KIF26B: variants seen among roughly 807,000 people sequenced by gnomAD.
KIF26B encodes kinesin-like protein KIF26B.
KIF26B carries 63 observed loss-of-function variants against 151.2 expected under a neutral mutation model. The ratio of observed to expected loss-of-function variants is 0.42; its 90% CI spans 0.34 to 0.51. The LOEUF (loss-of-function observed/expected upper bound fraction) is 0.51. Among genes scored for constraint, KIF26B ranks in the 20% least tolerant of loss-of-function variants. The pLI is 0.07. For synonymous variants in KIF26B, 1,357 were observed against 1,262.1 expected, an observed-to-expected ratio of 1.08 and a Z score of -1.59; for missense variants, 2,813 against 2,913.6, an observed-to-expected ratio of 0.97 and a Z score of 0.79.
chr1:245,501,594 A>C (rs534762891), intron 4 of KIF26B, among the ~76,000 whole-genome samples: 1 of 152,354 alleles, frequency 6.6e-6, no homozygotes, highest in South Asian at 2.1e-4. Flanking sequence ...CATAGAGATT[A>C]GTTTTTATCC....
intron 2 of KIF26B, among the ~76,000 whole-genome samples, chr1:245,359,279 A>T (rs756126488): frequency 6.6e-6 from 1 of 152,036 alleles, no homozygotes; most frequent in Admixed American, 6.6e-5. Flanking sequence ...TCGGCCTCCC[A>T]AAGGGCTAGG....
intron 4 of KIF26B, among the ~76,000 whole-genome samples, chr1:245,494,557 T>A (rs1041511564): frequency 2.3e-4 from 35 of 152,036 alleles, no homozygotes; most frequent in African/African-American, 7.5e-4. Flanking sequence ...ACCTTTCTCA[T>A]AAGTTGTTTC....
chr1:245,299,433 A>C (rs891979008), intron 2 of KIF26B, among the ~76,000 whole-genome samples: 1 of 149,000 alleles, frequency 6.7e-6, no homozygotes, highest in African/African-American at 2.5e-5. Flanking sequence ...CTGACCTTCT[A>C]CTATCAGATG....
At chr1:245,234,385 A>T (rs1444059220) in intron 2 of KIF26B, 1 of 152,216 alleles carries the variant, frequency 6.6e-6, no homozygotes, top group Non-Finnish European at 1.5e-5. Context: ...CACGTCACAC[A>T]CCTGTCAGGG....
intron 5 of KIF26B, among the ~76,000 whole-genome samples, chr1:245,584,749 C>T (rs2043207144): frequency 6.6e-6 from 1 of 152,134 alleles, no homozygotes; most frequent in Admixed American, 6.5e-5. Context: ...AGCTACAGAA[C>T]CAAATAAATA....
At chr1:245,261,501 CT>C (rs1670643262) in intron 2 of KIF26B, among the ~76,000 whole-genome samples, 108 of 109,412 alleles carry the variant, frequency 9.9e-4, no homozygotes, top group African/African-American at 4.1e-3. Flanking sequence ...CTCTCTCTCT[CT>C]CCCTCCCTCC....
intron 4 of KIF26B, among the ~76,000 whole-genome samples, chr1:245,426,212 C>T (rs975757636): frequency 6.6e-6 from 1 of 151,848 alleles, no homozygotes; most frequent in Non-Finnish European, 1.5e-5. Flanking sequence ...TCCCTCCTCC[C>T]TCCCTTCTTT....
chr1:245,301,766 C>T (rs530046734), intron 2 of KIF26B, among the ~76,000 whole-genome samples: 27 of 152,294 alleles, frequency 1.8e-4, no homozygotes, highest in African/African-American at 5.8e-4. Context: ...GTGGGTGAAC[C>T]GCAAAAGCTC....
chr1:245,440,077 C>T (rs1195952397), intron 4 of KIF26B, among the ~76,000 whole-genome samples: 7 of 151,986 alleles, frequency 4.6e-5, no homozygotes, highest in East Asian at 3.9e-4. Context: ...AAAAATTAGC[C>T]GGGCGTGGTG....
At chr1:245,695,146 T>A (rs960913624) in intron 12 of KIF26B, among the ~76,000 whole-genome samples, 11 of 151,968 alleles carry the variant, frequency 7.2e-5, no homozygotes, top group Non-Finnish European at 1.5e-4. Flanking sequence ...GCTTGAGAGG[T>A]GGAAATGCTG....
chr1:245,220,286 C>T (rs1045119981), intron 2 of KIF26B, among the ~76,000 whole-genome samples: 4 of 152,158 alleles, frequency 2.6e-5, no homozygotes, highest in African/African-American at 7.2e-5. Context: ...TGAAGCCTTC[C>T]GTGGATGTTC....
chr1:245,677,201 C>T (rs2044367693), intron 10 of KIF26B, among the ~76,000 whole-genome samples: 2 of 152,202 alleles, frequency 1.3e-5, no homozygotes, highest in Admixed American at 6.5e-5. Context: ...GTCCTTCAGC[C>T]AGAGTGGGTG....
rs544346576 is a variant in KIF26B at position 245,593,829 on chromosome 1, A to G, written c.1351-8748A>G. The stretch of plus-strand genomic sequence containing the variant: ...GCTATTTCTCCACATCCTCTCCAGC[A>G]TCTGTTGTTTCCTCACTTTTTAATG... On this transcript the variant is annotated intron_variant, in intron 5 of 14. Transcript: ENST00000407071. 5.3e-5 allele frequency among the ~76,000 whole-genome samples: 8 copies of G among 152,336 alleles called. 1 individual carries two copies. Among genetic ancestry groups the G allele is most frequent in the Admixed American group, 5.2e-4 (8 of 15,306 alleles).
intron 10 of KIF26B, among the ~76,000 whole-genome samples, chr1:245,683,033 C>T (rs944165623): frequency 6.6e-6 from 1 of 152,210 alleles, no homozygotes; most frequent in Non-Finnish European, 1.5e-5. Flanking sequence ...CCAGCGTCGC[C>T]AAACTTACAC....
intron 10 of KIF26B, 75 bp from the exon 11 acceptor site, chr1:245,684,158 C>G: frequency 1.3e-6 from 2 of 1,509,638 alleles, no homozygotes; most frequent in Non-Finnish European, 1.8e-6. Flanking sequence ...TGGCCGTGTG[C>G]AGGCCTGAAG....
intron 2 of KIF26B, among the ~76,000 whole-genome samples, chr1:245,276,922 T>A (rs556609954): frequency 6.6e-6 from 1 of 152,250 alleles, no homozygotes; most frequent in Admixed American, 6.5e-5. Flanking sequence ...GATCTTGAGA[T>A]GAGATCTTCT....
chr1:245,539,634 T>C (rs1383385159), intron 4 of KIF26B, among the ~76,000 whole-genome samples: 1 of 152,176 alleles, frequency 6.6e-6, no homozygotes, highest in Non-Finnish European at 1.5e-5. Flanking sequence ...TTCTTTTCTG[T>C]GATAAGATGA....
At chr1:245,550,209 T>G (rs563214088) in intron 5 of KIF26B, among the ~76,000 whole-genome samples, 5 of 152,362 alleles carry the variant, frequency 3.3e-5, no homozygotes, top group African/African-American at 1.2e-4. Flanking sequence ...GTAGCTCATT[T>G]GAGATCTGTT....
intron 3 of KIF26B, chr1:245,370,593 C>G (rs893192721): frequency 2.2e-6 from 1 of 456,730 alleles, no homozygotes. Context: ...AAGCTCTTGT[C>G]ACACGTGGCA....
Sources: gnomAD v4.1 joint callset for allele counts (sites outside exome capture counted in the v4.1 genomes callset) on GRCh38, gnomAD v4.1.1 for gene constraint, MANE v1.5 for transcripts, NCBI Gene and HGNC (gene_info 2026-07-23, HGNC 2026-07-21) for gene names.